Variants in SHISA9 observed in about 807,000 individuals in gnomAD.
The protein encoded by SHISA9 is shisa family member 9.
A neutral mutation model predicts 38.0 loss-of-function variants in SHISA9; 13 were observed. That is an observed-to-expected ratio of 0.34 (90% CI 0.22 to 0.54). The LOEUF (loss-of-function observed/expected upper bound fraction) is 0.54, where lower values mean the gene tolerates loss of function less well. Ranked by LOEUF, SHISA9 falls within the 20% of genes least tolerant of loss-of-function variation. The pLI is 0.91. For synonymous variants in SHISA9, 275 were observed against 242.0 expected (o/e 1.14, Z -1.27); for missense variants, 538 against 575.8 (o/e 0.93, Z 0.67).
At chr16:13,515,680 T>G in the SHISA9 span, among the ~76,000 whole-genome samples, 3 of 152,042 alleles carry the variant, frequency 2.0e-5, no homozygotes, top group Admixed American at 6.6e-5. Context: ...CTTATCTATT[T>G]TAAATCTTCT....
At chr16:13,082,583 G>A (rs1297182021) in intron 2 of SHISA9, 4 of 152,208 alleles carry the variant, frequency 2.6e-5, no homozygotes. Flanking sequence ...AATGGGATCA[G>A]TGTCTGGGAG....
At chr16:13,193,276 G>A (rs542133898) in intron 2 of SHISA9, among the ~76,000 whole-genome samples, 68 of 152,280 alleles carry the variant, frequency 4.5e-4, no homozygotes, top group Admixed American at 2.2e-3. Flanking sequence ...TTCCTTGTTT[G>A]TAAAATAGGA....
chr16:13,456,308 A>C, the SHISA9 span, among the ~76,000 whole-genome samples: 1 of 152,102 alleles, frequency 6.6e-6, no homozygotes, highest in Non-Finnish European at 1.5e-5. Flanking sequence ...CTCTCTAGCT[A>C]GCTAGACCAC....
chr16:13,349,406 C>G, the SHISA9 span, among the ~76,000 whole-genome samples: 4 of 152,332 alleles, frequency 2.6e-5, no homozygotes, highest in Middle Eastern at 3.4e-3. Flanking sequence ...TCTAGAGATG[C>G]GTATGTGACT....
chr16:13,497,685 C>CAAAAAAAAAAAAAAA, the SHISA9 span, among the ~76,000 whole-genome samples: 1 of 106,342 alleles, frequency 9.4e-6, no homozygotes, highest in East Asian at 2.9e-4. Context: ...ACTCCGTCTC[C>CAAAAAAAAAAAAAAA]AAAAAAAAAA....
the SHISA9 span, among the ~76,000 whole-genome samples, chr16:13,280,267 A>T: frequency 2.0e-5 from 3 of 151,472 alleles, no homozygotes; most frequent in Admixed American, 2.0e-4. Flanking sequence ...TCATCAGAAG[A>T]CCAGTGCTCT....
the SHISA9 span, among the ~76,000 whole-genome samples, chr16:13,442,146 T>G: frequency 6.6e-6 from 1 of 152,216 alleles, no homozygotes; most frequent in African/African-American, 2.4e-5. Flanking sequence ...GGCAGAAATA[T>G]AACTCTTCTG....
chr16:13,268,196 T>C, the SHISA9 span, among the ~76,000 whole-genome samples: 1 of 152,156 alleles, frequency 6.6e-6, no homozygotes, highest in Non-Finnish European at 1.5e-5. Flanking sequence ...TTTGGCATGC[T>C]GAGATGAATA....
intron 2 of SHISA9, among the ~76,000 whole-genome samples, chr16:13,173,877 G>A (rs2050709781): frequency 6.6e-6 from 1 of 152,188 alleles, no homozygotes; most frequent in Non-Finnish European, 1.5e-5. Context: ...GAGGTTCAGG[G>A]AGGGCTTCCT....
chr16:13,035,693 G>T (rs2073050986), intron 2 of SHISA9, among the ~76,000 whole-genome samples: 1 of 152,092 alleles, frequency 6.6e-6, no homozygotes, highest in African/African-American at 2.4e-5. Context: ...ACCATGCCTG[G>T]CTAATTTTCA....
rs117531798 is a variant in SHISA9 at position 13,153,571 on chromosome 16, T to G, written c.692-49823T>G. On this transcript the variant is annotated intron_variant, in intron 2 of 4. Coordinates refer to ENST00000558583, the MANE Select transcript of SHISA9 (RefSeq NM_001145204.3). The stretch of plus-strand genomic sequence containing the variant: ...GGGATTTCCACAACAGAGAGGGTTC[T>G]CAAGCACTGCCTCCCACAGGGTCTT... Among the ~76,000 whole-genome samples the G allele has an allele frequency of 6.6e-3, 999 of 152,288 alleles. 2 individuals are homozygous for G. The highest frequency in any genetic ancestry group is 0.01 in the Non-Finnish European group (697 of 68,034).
At chr16:13,067,819 T>G (rs916686822) in intron 2 of SHISA9, among the ~76,000 whole-genome samples, 1 of 152,218 alleles carries the variant, frequency 6.6e-6, no homozygotes, top group African/African-American at 2.4e-5. Flanking sequence ...TTGCGCCATT[T>G]AGATTCTGCT....
chr16:13,359,800 C>T, the SHISA9 span, among the ~76,000 whole-genome samples: 1 of 152,192 alleles, frequency 6.6e-6, no homozygotes, highest in Admixed American at 6.5e-5. Context: ...GGGTTACCAA[C>T]TTGCCTGAGT....
intron 2 of SHISA9, among the ~76,000 whole-genome samples, chr16:13,084,549 G>A (rs1429897969): frequency 6.6e-6 from 1 of 152,176 alleles, no homozygotes. Flanking sequence ...TGGGGGTGTA[G>A]CACTGCACAC....
the SHISA9 span, among the ~76,000 whole-genome samples, chr16:13,470,646 A>G: frequency 2.0e-5 from 3 of 152,190 alleles, no homozygotes; most frequent in African/African-American, 7.2e-5. Flanking sequence ...TCCTTGGCAC[A>G]TGGGGATTGT....
chr16:13,006,195 G>T (rs1470637197), intron 2 of SHISA9, among the ~76,000 whole-genome samples: 2 of 152,170 alleles, frequency 1.3e-5, no homozygotes, highest in African/African-American at 4.8e-5. Flanking sequence ...AAATATGCCT[G>T]CCAGATTCTT....
chr16:13,175,809 C>T (rs1333152272), intron 2 of SHISA9, among the ~76,000 whole-genome samples: 1 of 152,148 alleles, frequency 6.6e-6, no homozygotes, highest in Non-Finnish European at 1.5e-5. Context: ...ATATGCCCCC[C>T]CACACTTTCA....
the SHISA9 span, among the ~76,000 whole-genome samples, chr16:13,399,860 A>G: frequency 6.6e-6 from 1 of 152,364 alleles, no homozygotes; most frequent in East Asian, 1.9e-4. Flanking sequence ...CCCATGGACC[A>G]CATTCTGAGT....
chr16:13,334,523 C>T, the SHISA9 span, among the ~76,000 whole-genome samples: 1 of 152,022 alleles, frequency 6.6e-6, no homozygotes, highest in African/African-American at 2.4e-5. Flanking sequence ...GCCCGTAGTC[C>T]CAACACTTTG....
Sources: gnomAD v4.1 joint callset for allele counts (sites outside exome capture counted in the v4.1 genomes callset) on GRCh38, gnomAD v4.1.1 for gene constraint, MANE v1.5 for transcripts, NCBI Gene and HGNC (gene_info 2026-07-23, HGNC 2026-07-21) for gene names.